ASTN1: variants seen among roughly 807,000 people sequenced by gnomAD.
ASTN1 encodes astrotactin 1.
Under a neutral mutation model 140.7 loss-of-function variants are expected in ASTN1, and 41 were observed. The ratio of observed to expected loss-of-function variants is 0.29; its 90% CI spans 0.23 to 0.38. The LOEUF (loss-of-function observed/expected upper bound fraction) is 0.38, where lower values mean the gene tolerates loss of function less well. Ranked by LOEUF, ASTN1 falls within the 10% of genes least tolerant of loss-of-function variation. ASTN1 has a pLI of 1.00. For synonymous variants in ASTN1, 640 were observed against 652.2 expected, an observed-to-expected ratio of 0.98 and a Z score of 0.29; for missense variants, 1,479 against 1,678.8, an observed-to-expected ratio of 0.88 and a Z score of 2.08.
intron 22 of ASTN1, among the ~76,000 whole-genome samples, chr1:176,865,352 G>A (rs1668093331): frequency 6.6e-6 from 1 of 152,144 alleles, no homozygotes. Context: ...CATCCAGCTT[G>A]GGGGAAAGGA....
chr1:176,913,413 G>A (rs1670335913), intron 16 of ASTN1, among the ~76,000 whole-genome samples: 1 of 152,192 alleles, frequency 6.6e-6, no homozygotes, highest in East Asian at 1.9e-4. Flanking sequence ...GAATGCATGT[G>A]CCCAGCATTG....
intron 1 of ASTN1, among the ~76,000 whole-genome samples, chr1:177,069,942 T>C (rs931945600): frequency 2.0e-5 from 3 of 152,132 alleles, no homozygotes; most frequent in African/African-American, 7.2e-5. Flanking sequence ...GATTTTTTAC[T>C]TATATCTATT....
At chr1:176,997,987 A>C (rs1222901066) in intron 8 of ASTN1, among the ~76,000 whole-genome samples, 1 of 152,180 alleles carries the variant, frequency 6.6e-6, no homozygotes, top group Non-Finnish European at 1.5e-5. Context: ...GATCAAGAAC[A>C]AGCAGTTCAA....
At chr1:177,148,567 G>A (rs545515801) in intron 1 of ASTN1, among the ~76,000 whole-genome samples, 6 of 151,996 alleles carry the variant, frequency 3.9e-5, no homozygotes, top group South Asian at 2.1e-4. Flanking sequence ...AATACCACAA[G>A]CTGGGAAATA....
chr1:176,918,660 C>G (rs1210232326), intron 16 of ASTN1, among the ~76,000 whole-genome samples: 1 of 152,206 alleles, frequency 6.6e-6, no homozygotes, highest in African/African-American at 2.4e-5. Flanking sequence ...CCTTTCCTTT[C>G]CATTGCCCAG....
chr1:176,992,543 T>C (rs1674238655), intron 8 of ASTN1, among the ~76,000 whole-genome samples: 1 of 152,122 alleles, frequency 6.6e-6, no homozygotes, highest in Non-Finnish European at 1.5e-5. Flanking sequence ...GCAAGCTAGA[T>C]GAGGATTAGA....
At chr1:176,857,665 G>T, downstream of ASTN1, 1 of 594,552 alleles carries the variant, frequency 1.7e-6, no homozygotes. Context: ...TGACAAAGGA[G>T]TGTGGGAAAA....
chr1:176,965,119 G>A (rs369233876), intron 9 of ASTN1, 44 bp downstream of exon 9: 2 of 1,572,974 alleles, frequency 1.3e-6, no homozygotes, highest in African/African-American at 2.7e-5. Flanking sequence ...GCGGAACACA[G>A]GGTTTGCAGA....
chr1:177,142,941 ATTT>A (rs1238680642), intron 1 of ASTN1, among the ~76,000 whole-genome samples: 2 of 151,620 alleles, frequency 1.3e-5, no homozygotes, highest in Non-Finnish European at 2.9e-5. Context: ...GCCACAAATT[ATTT>A]TAAGTGCCTT....
intron 14 of ASTN1, among the ~76,000 whole-genome samples, chr1:176,942,866 A>ATATATAT (rs1385017638): frequency 1.8e-3 from 126 of 69,776 alleles, no homozygotes; most frequent in Non-Finnish European, 2.1e-3. Context: ...ATATATATAT[A>ATATATAT]GATTGATGTC....
Position 177,036,560 on chromosome 1 carries a change from T to C in ASTN1, c.472-3711A>G, listed in dbSNP as rs116223234. 3.1e-3 allele frequency among the ~76,000 whole-genome samples: 468 copies of C among 152,328 alleles called. 4 individuals carry two copies. Among genetic ancestry groups the C allele is most frequent in the African/African-American group, 0.011 (441 of 41,558 alleles). ...AATAATAATATACTGTAATGTGATGTGACATTAATATGTGACATTATTTAA... is the reference window on the plus strand; with the variant it reads ...AATAATAATATACTGTAATGTGATGCGACATTAATATGTGACATTATTTAA... On this transcript the variant is annotated intron_variant, in intron 2 of 22. Transcript: ENST00000361833.
At chr1:176,898,571 G>C (rs917521359) in intron 16 of ASTN1, among the ~76,000 whole-genome samples, 1 of 152,198 alleles carries the variant, frequency 6.6e-6, no homozygotes, top group Non-Finnish European at 1.5e-5. Context: ...CCCAAAGAGA[G>C]CACCTATAAC....
In ASTN1 at chr1:176,861,069, C is replaced by A; in HGVS notation, c.*3215G>T. On this transcript the variant is annotated 3_prime_UTR_variant, in exon 23 of 23. Transcript: ENST00000361833. ...AGACACAACATCCACATACCCAATG[C>A]TTACTAATAGCTTTGTTTTATTATT... 1.1e-6 allele frequency: 1 copy of A among 950,422 alleles called. No individual in the cohort carries two copies. Among genetic ancestry groups the A allele is most frequent in the African/African-American group, 1.8e-5 (1 of 56,516 alleles). 58.9% of individuals were successfully genotyped at this position (950,422 alleles called of 1,614,324 possible).
intron 8 of ASTN1, among the ~76,000 whole-genome samples, chr1:176,980,928 T>C (rs1414873655): frequency 1.3e-5 from 2 of 151,950 alleles, no homozygotes; most frequent in African/African-American, 2.4e-5. Context: ...ACCAAGGAAA[T>C]AGGCTGGGAA....
downstream of ASTN1, chr1:176,857,541 T>G (rs1667849394): frequency 2.1e-6 from 1 of 484,474 alleles, no homozygotes. Context: ...ATGAAGGAGA[T>G]GCTGGAGATG....
chr1:176,991,969 T>C (rs1264751386), intron 8 of ASTN1, among the ~76,000 whole-genome samples: 1 of 152,232 alleles, frequency 6.6e-6, no homozygotes, highest in Non-Finnish European at 1.5e-5. Flanking sequence ...ACTAGTTTTA[T>C]GTATTAAATA....
At chr1:176,944,075 G>A (rs1671850855) in intron 13 of ASTN1, 57 bp from the exon 14 acceptor site, 4 of 1,559,368 alleles carry the variant, frequency 2.6e-6, no homozygotes, top group Non-Finnish European at 3.5e-6. Context: ...ACTCCTTACT[G>A]AGCATTTTTT....
intron 16 of ASTN1, among the ~76,000 whole-genome samples, chr1:176,910,047 C>T (rs1415835745): frequency 6.6e-6 from 1 of 152,074 alleles, no homozygotes; most frequent in Admixed American, 6.6e-5. Context: ...GCAACCATCC[C>T]CCAACAAAAC....
At chr1:176,901,745 C>T (rs1338002857) in intron 16 of ASTN1, among the ~76,000 whole-genome samples, 1 of 152,174 alleles carries the variant, frequency 6.6e-6, no homozygotes, top group Non-Finnish European at 1.5e-5. Flanking sequence ...CATTCAGCTA[C>T]TCATCAACTC....
Sources: allele counts gnomAD v4.1 joint callset (sites outside exome capture counted in the v4.1 genomes callset), GRCh38; gene constraint gnomAD v4.1.1; transcripts MANE v1.5; gene names NCBI Gene and HGNC (gene_info 2026-07-23, HGNC 2026-07-21).